SERGEF: variants seen among roughly 807,000 people sequenced by gnomAD.
SERGEF encodes the protein secretion-regulating guanine nucleotide exchange factor.
SERGEF carries 51 observed loss-of-function variants against 50.0 expected under a neutral mutation model. The observed-to-expected ratio is 1.02, with a 90% CI of 0.81 to 1.29. SERGEF has a LOEUF of 1.29. SERGEF is among the 50% of genes most tolerant of loss of function. The probability of loss-of-function intolerance (pLI) is 0.00; values close to 1 mark genes in which losing one functional copy is unlikely to be tolerated. For missense variants in SERGEF, 521 were observed against 557.0 expected (o/e 0.94, Z 0.65); for synonymous variants, 205 against 212.4 (o/e 0.97, Z 0.30).
intron 4 of SERGEF, chr11:18,000,817 C>A: frequency 1.6e-6 from 1 of 626,472 alleles, no homozygotes. Flanking sequence ...GTCATCTAGT[C>A]CAAGAGTTAG....
At position 17,931,008 on chromosome 11, in the gene SERGEF, A is replaced by T. The variant is rs549834693; in HGVS notation, c.1011+28462T>A. On this transcript the variant is annotated intron_variant, in intron 9 of 10. Coordinates refer to ENST00000265965, the MANE Select transcript of SERGEF (RefSeq NM_012139.4). ...GGAAGAGCTAATATGGTATTTCCTG[A>T]GCCTATTTAGTCTCCCAATTCAGCA... is the stretch of plus-strand genomic sequence containing the variant. 2.6e-5 allele frequency among the ~76,000 whole-genome samples: 4 copies of T among 152,272 alleles called. No homozygotes were observed. The South Asian group carries it at 8.3e-4, about 32-fold the overall frequency.
chr11:17,951,725 G>T (rs1319385853), intron 9 of SERGEF, among the ~76,000 whole-genome samples: 1 of 152,158 alleles, frequency 6.6e-6, no homozygotes, highest in Non-Finnish European at 1.5e-5. Flanking sequence ...AAAATGAGGG[G>T]TCTGAGAGCC....
chr11:17,866,776 A>G (rs1439969523), intron 10 of SERGEF: 1 of 152,254 alleles, frequency 6.6e-6, no homozygotes, highest in Non-Finnish European at 1.5e-5. Context: ...AAAGAAAGAG[A>G]TTTAATGGAC....
rs189012778 is a variant in SERGEF at position 17,930,005 on chromosome 11, C to G, written c.1011+29465G>C. Among the ~76,000 whole-genome samples the G allele has an allele frequency of 6.3e-3, 959 of 152,278 alleles. 6 individuals are homozygous for G. Among genetic ancestry groups the G allele is most frequent in the Non-Finnish European group, 0.011 (731 of 68,028 alleles). The stretch of plus-strand genomic sequence containing the variant: ...CATATTCACTGAACAAATGAACAAA[C>G]TGGGATTTATAGCCAAGCTACAGGC... On this transcript the variant is annotated intron_variant, in intron 9 of 10. Transcript: ENST00000265965.
intron 9 of SERGEF, among the ~76,000 whole-genome samples, chr11:17,906,349 G>A (rs992051813): frequency 1.3e-5 from 2 of 152,210 alleles, no homozygotes; most frequent in East Asian, 1.9e-4. Context: ...AGTGGCTAAC[G>A]AAGTTTCGGT....
chr11:17,849,985 T>C (rs181536884), intron 10 of SERGEF, among the ~76,000 whole-genome samples: 1 of 152,290 alleles, frequency 6.6e-6, no homozygotes, highest in East Asian at 1.9e-4. Context: ...ACAGGCTGGA[T>C]AATTTATAAA....
intron 9 of SERGEF, among the ~76,000 whole-genome samples, chr11:17,897,035 A>C (rs1470994847): frequency 6.6e-6 from 1 of 152,212 alleles, no homozygotes; most frequent in African/African-American, 2.4e-5. Flanking sequence ...GGTGGGCCTA[A>C]TCAATCACAC....
intron 10 of SERGEF, among the ~76,000 whole-genome samples, chr11:17,871,737 G>A (rs745723311): frequency 5.9e-5 from 9 of 152,130 alleles, no homozygotes; most frequent in Admixed American, 1.3e-4. Context: ...ATTAAAATCA[G>A]TGAGATTCCA....
rs993389729 is a variant in SERGEF, at chr11:17,888,586, T to C, written c.1012-10342A>G. ...AGAAGGCAAAGAGAAACCCTGTGGA[T>C]ATCAGGTTAGAATTAGAGTTATCAG... On this transcript the variant is annotated intron_variant, in intron 9 of 10. Coordinates refer to ENST00000265965, the MANE Select transcript of SERGEF (RefSeq NM_012139.4). The surrounding 1 kb of genome is among the most constrained non-coding windows in gnomAD (Gnocchi z 4.1). 6.6e-6 allele frequency among the ~76,000 whole-genome samples: 1 copy of C among 151,430 alleles called. No individual in the cohort carries two copies. Among genetic ancestry groups the C allele is most frequent in the Non-Finnish European group, 1.5e-5 (1 of 67,936 alleles).
intron 10 of SERGEF, among the ~76,000 whole-genome samples, chr11:17,849,129 C>T (rs1850668442): frequency 2.0e-5 from 3 of 152,184 alleles, no homozygotes; most frequent in Non-Finnish European, 1.5e-5. Context: ...TGTGTGTTTA[C>T]ATGCACATGT....
intron 8 of SERGEF, among the ~76,000 whole-genome samples, chr11:17,979,569 T>C (rs965494179): frequency 1.3e-5 from 2 of 152,116 alleles, no homozygotes; most frequent in African/African-American, 2.4e-5. Flanking sequence ...CTTCTCTATC[T>C]CCAGGCCTCT....
At chr11:17,921,522 G>A (rs1176977343) in intron 9 of SERGEF, among the ~76,000 whole-genome samples, 1 of 152,166 alleles carries the variant, frequency 6.6e-6, no homozygotes, top group African/African-American at 2.4e-5. Context: ...TTGTTCATTT[G>A]TTCATACATT....
chr11:18,000,674 C>A lies in SERGEF; in HGVS notation c.448-117G>T, dbSNP rs1194884407. ...CATTATGGGTCTGACTGGTTTAAAG[C>A]AACCACTCCCCCCAATATTTCCACC... On this transcript the variant is annotated intron_variant, in intron 4 of 10. Transcript: ENST00000265965. 2.2e-5 allele frequency: 17 copies of A among 756,700 alleles called. No individual in the cohort carries two copies. The Middle Eastern group carries it at 7.0e-4, about 31-fold the overall frequency. The allele number at this position is 756,700 out of a possible 1,614,324, so 46.9% of individuals were successfully genotyped here. A position where few individuals can be genotyped will look rare whatever the true frequency, so the allele number is the denominator to read the frequency against.
intron 9 of SERGEF, chr11:17,918,913 G>T (rs796279407): frequency 1.2e-5 from 4 of 333,242 alleles, no homozygotes; most frequent in South Asian, 4.6e-5. Context: ...GAAGCAAAAG[G>T]TTCACTTAAC....
intron 9 of SERGEF, among the ~76,000 whole-genome samples, chr11:17,911,423 T>C (rs1851951693): frequency 6.7e-6 from 1 of 149,922 alleles, no homozygotes; most frequent in Non-Finnish European, 1.5e-5. Flanking sequence ...ATATATTTAA[T>C]GTGTGTAATT....
At chr11:17,807,105 G>A (rs561855720) in intron 10 of SERGEF, among the ~76,000 whole-genome samples, 8 of 152,240 alleles carry the variant, frequency 5.3e-5, no homozygotes, top group African/African-American at 1.7e-4. Context: ...TTGGTGAATG[G>A]CTCCCCTGTC....
At chr11:17,902,857 A>G (rs1247056074) in intron 9 of SERGEF, among the ~76,000 whole-genome samples, 1 of 152,194 alleles carries the variant, frequency 6.6e-6, no homozygotes, top group Non-Finnish European at 1.5e-5. Flanking sequence ...CTGCCTATCT[A>G]CCAGACATCA....
chr11:17,824,278 G>A (rs1850143748), intron 10 of SERGEF, among the ~76,000 whole-genome samples: 2 of 147,970 alleles, frequency 1.4e-5, no homozygotes, highest in Admixed American at 6.8e-5. Context: ...TCCAGCCTGG[G>A]TGACAGAGCG....
intron 9 of SERGEF, among the ~76,000 whole-genome samples, chr11:17,903,888 T>C (rs1851792043): frequency 6.6e-6 from 1 of 152,184 alleles, no homozygotes; most frequent in Non-Finnish European, 1.5e-5. Context: ...AGTCTCCACT[T>C]CCGTAGGTCA....
Sources: gnomAD v4.1 joint callset for allele counts (sites outside exome capture counted in the v4.1 genomes callset) on GRCh38, gnomAD v4.1.1 for gene constraint, Gnocchi (gnomAD v3.1) non-coding constraint, MANE v1.5 for transcripts, NCBI Gene and HGNC (gene_info 2026-07-23, HGNC 2026-07-21) for gene names.